The following SGCD variants were observed in gnomAD, a reference collection of about 807,000 sequenced individuals.
SGCD encodes the protein delta-sarcoglycan.
SGCD carries 18 observed loss-of-function variants against 36.6 expected under a neutral mutation model. That is an observed-to-expected ratio of 0.49 (90% CI 0.34 to 0.73). The LOEUF (loss-of-function observed/expected upper bound fraction) is 0.73, where lower values mean the gene tolerates loss of function less well. Ranked by LOEUF, SGCD falls within the 30% of genes least tolerant of loss-of-function variation. The pLI is 0.01. For synonymous variants in SGCD, 133 were observed against 130.6 expected (o/e 1.02, Z -0.12); for missense variants, 387 against 346.7 (o/e 1.12, Z -0.92).
intron 4 of SGCD, among the ~76,000 whole-genome samples, chr5:156,583,020 C>A (rs1760345308): frequency 1.3e-5 from 2 of 152,170 alleles, no homozygotes; most frequent in Non-Finnish European, 2.9e-5. Context: ...GAGCAGAAAG[C>A]AAATTTTAAG....
chr5:155,946,936 T>C (rs1220400222), intron 1 of SGCD, among the ~76,000 whole-genome samples: 1 of 152,214 alleles, frequency 6.6e-6, no homozygotes, highest in Admixed American at 6.5e-5. Context: ...CCCCTTATTT[T>C]TATGGACAAG....
chr5:155,840,168 G>A, the SGCD span, among the ~76,000 whole-genome samples: 2 of 151,148 alleles, frequency 1.3e-5, no homozygotes, highest in Admixed American at 1.3e-4. Flanking sequence ...TTCCAACTTT[G>A]GCTATTGAGA....
In SGCD at chr5:156,759,550, G is replaced by A. The variant is rs1444436977; in HGVS notation, c.*160G>A. ...CTTGAGTGTGTTCGCGTGTGTGGGT[G>A]GATATAAATATATATAAATATATAT... On this transcript the variant is annotated 3_prime_UTR_variant, in exon 9 of 9. Coordinates refer to ENST00000337851, the MANE Select transcript of SGCD (RefSeq NM_000337.6). 6 of 264,452 alleles carry A rather than the reference G, an allele frequency of 2.3e-5. No homozygotes were observed. Among genetic ancestry groups the A allele is most frequent in the Non-Finnish European group, 4.2e-5 (6 of 143,806 alleles). 16.4% of individuals were successfully genotyped at this position (264,452 alleles called of 1,614,324 possible).
chr5:156,710,435 G>A (rs79493898), intron 7 of SGCD, among the ~76,000 whole-genome samples: 219 of 152,232 alleles, frequency 1.4e-3, no homozygotes, highest in Non-Finnish European at 2.6e-3. Context: ...CAAAATATTC[G>A]AAGAGATTTA....
At chr5:155,863,906 C>T in the SGCD span, among the ~76,000 whole-genome samples, 22 of 152,180 alleles carry the variant, frequency 1.4e-4, no homozygotes, top group South Asian at 3.5e-3. Context: ...CAGACAAGGA[C>T]CCTACTGTCA....
chr5:156,280,080 T>G (rs1347200043), intron 3 of SGCD, among the ~76,000 whole-genome samples: 1 of 152,162 alleles, frequency 6.6e-6, no homozygotes, highest in Admixed American at 6.5e-5. Flanking sequence ...TTGTCTAGTC[T>G]TTCCCTTTTC....
At chr5:156,152,985 A>T (rs1762866395) in intron 3 of SGCD, among the ~76,000 whole-genome samples, 1 of 151,694 alleles carries the variant, frequency 6.6e-6, no homozygotes, top group Non-Finnish European at 1.5e-5. Context: ...TAGCAAAAGT[A>T]GGGGAAGAAA....
intron 7 of SGCD, among the ~76,000 whole-genome samples, chr5:156,648,420 T>A (rs1763315806): frequency 1.3e-5 from 2 of 152,190 alleles, no homozygotes. Flanking sequence ...AATCTGAAGA[T>A]CTATGCTTTG....
At chr5:156,021,947 C>A (rs1185937335) in intron 1 of SGCD, among the ~76,000 whole-genome samples, 1 of 152,136 alleles carries the variant, frequency 6.6e-6, no homozygotes, top group Non-Finnish European at 1.5e-5. Flanking sequence ...TTAGTATATT[C>A]AGAGTTGTAC....
At chr5:156,283,616 G>A (rs1561599608) in intron 3 of SGCD, among the ~76,000 whole-genome samples, 1 of 152,144 alleles carries the variant, frequency 6.6e-6, no homozygotes, top group South Asian at 2.1e-4. Context: ...CTTAGAAGTA[G>A]TATCTGCATT....
the SGCD span, among the ~76,000 whole-genome samples, chr5:155,864,280 T>C: frequency 1.7e-3 from 258 of 152,274 alleles, no homozygotes; most frequent in Non-Finnish European, 3.1e-3. Flanking sequence ...GAGTGATGTA[T>C]GATGGTTAAG....
intron 3 of SGCD, among the ~76,000 whole-genome samples, chr5:156,260,000 A>G (rs1424285486): frequency 6.6e-6 from 1 of 152,206 alleles, no homozygotes; most frequent in East Asian, 1.9e-4. Context: ...GTATTCTGTT[A>G]TAGCAACACA....
chr5:155,914,670 G>C (rs991332256), intron 1 of SGCD, among the ~76,000 whole-genome samples: 1 of 152,128 alleles, frequency 6.6e-6, no homozygotes, highest in Admixed American at 6.6e-5. Flanking sequence ...TACTTTAAAA[G>C]CGTATATTAA....
intron 1 of SGCD, among the ~76,000 whole-genome samples, chr5:155,995,095 G>T (rs760005735): frequency 1.1e-4 from 17 of 152,110 alleles, no homozygotes; most frequent in Non-Finnish European, 2.5e-4. Context: ...ACACACATTG[G>T]CAGGACTTAG....
the SGCD span, among the ~76,000 whole-genome samples, chr5:155,821,269 G>A: frequency 6.6e-6 from 1 of 152,036 alleles, no homozygotes; most frequent in Non-Finnish European, 1.5e-5. Flanking sequence ...AAATAGTCAG[G>A]GATTAAGGTA....
intron 1 of SGCD, among the ~76,000 whole-genome samples, chr5:156,069,947 A>G (rs543521046): frequency 6.6e-6 from 1 of 152,142 alleles, no homozygotes; most frequent in Non-Finnish European, 1.5e-5. Context: ...TTATTGGTGT[A>G]TAAGACTGCT....
intron 7 of SGCD, among the ~76,000 whole-genome samples, chr5:156,685,362 C>T (rs1029261074): frequency 5.9e-5 from 9 of 152,118 alleles, no homozygotes; most frequent in African/African-American, 1.9e-4. Flanking sequence ...AGAAAGTTGT[C>T]GGTGTTGCTC....
Position 156,763,089 on chromosome 5 carries a change from A to AGTT in SGCD, c.*3700_*3702dup, listed in dbSNP as rs1458310823. On this transcript the variant is annotated 3_prime_UTR_variant, in exon 9 of 9. Transcript: ENST00000337851. ...TAGTGGAAGCTTAATGGAAAAGGAA[A>AGTT]GTTATGATCCTCCAAGACCCTTAAT... The AGTT allele has an allele frequency of 2.0e-5, 3 of 152,660 alleles. No homozygotes were observed. Among genetic ancestry groups the AGTT allele is most frequent in the Non-Finnish European group, 4.4e-5 (3 of 68,056 alleles). The allele number at this position is 152,660 out of a possible 1,614,324, so 9.5% of individuals were successfully genotyped here.
At chr5:156,028,485 C>A (rs931296036) in intron 1 of SGCD, among the ~76,000 whole-genome samples, 4 of 152,030 alleles carry the variant, frequency 2.6e-5, no homozygotes, top group African/African-American at 9.7e-5. Flanking sequence ...AAAATGATAG[C>A]AATAATTTTT....
Sources: gnomAD v4.1 joint callset for allele counts (sites outside exome capture counted in the v4.1 genomes callset) on GRCh38, gnomAD v4.1.1 for gene constraint, MANE v1.5 for transcripts, NCBI Gene and HGNC (gene_info 2026-07-23, HGNC 2026-07-21) for gene names.